The following RFWD3 variants were observed in gnomAD, a reference collection of about 807,000 sequenced individuals.
RFWD3 encodes ring finger and WD repeat domain 3.
A neutral mutation model predicts 87.7 loss-of-function variants in RFWD3; 65 were observed. The ratio of observed to expected loss-of-function variants is 0.74; its 90% CI spans 0.61 to 0.91. The LOEUF (loss-of-function observed/expected upper bound fraction) is 0.91. RFWD3 is among the 40% of genes least tolerant of loss of function. The pLI is 0.00. For missense variants in RFWD3, 1,078 were observed against 938.5 expected, an observed-to-expected ratio of 1.15 and a Z score of -1.94; for synonymous variants, 433 against 352.8, an observed-to-expected ratio of 1.23 and a Z score of -2.55.
At chr16:74,634,575 G>A (rs9929496) in intron 8 of RFWD3, among the ~76,000 whole-genome samples, 89,221 of 151,754 alleles carry the variant, frequency 0.59, 27,450 homozygotes, top group African/African-American at 0.77. Flanking sequence ...TTTTTATAGC[G>A]ATGGAGTCTC....
intron 12 of RFWD3, among the ~76,000 whole-genome samples, chr16:74,624,524 T>C (rs1958864461): frequency 6.6e-6 from 1 of 152,144 alleles, no homozygotes; most frequent in Non-Finnish European, 1.5e-5. Flanking sequence ...GCCTCCCAAG[T>C]AGCTGGGATT....
intron 8 of RFWD3, 31 bp downstream of exon 8, chr16:74,636,315 A>C: frequency 6.3e-7 from 1 of 1,578,854 alleles, no homozygotes. Context: ...TCTAATAAAG[A>C]ACATGAAAGC....
intron 8 of RFWD3, among the ~76,000 whole-genome samples, chr16:74,634,843 C>G (rs781403227): frequency 5.3e-5 from 8 of 151,812 alleles, no homozygotes; most frequent in Non-Finnish European, 7.4e-5. Context: ...CAGGTATAGG[C>G]TTTAAATCAA....
rs896324983 is a variant in RFWD3, at chr16:74,642,885, G to A, written c.1079+1477C>T. ...GCTGTTCGTTTTATTAGTCTGTATC[G>A]GCATTTTGAAACTCTTCACTTTTTC... On this transcript the variant is annotated intron_variant, in intron 6 of 12. Coordinates refer to ENST00000361070, the MANE Select transcript of RFWD3 (RefSeq NM_018124.4). Among the ~76,000 whole-genome samples the A allele has an allele frequency of 3.9e-5, 6 of 152,074 alleles. No individual in the cohort carries two copies. The South Asian group carries it at 1.0e-3, about 26-fold the overall frequency.
At chr16:74,626,715 G>C (rs1379603942) in intron 11 of RFWD3, among the ~76,000 whole-genome samples, 161 bp from the exon 12 acceptor site, 1 of 152,090 alleles carries the variant, frequency 6.6e-6, no homozygotes, top group South Asian at 2.1e-4. Flanking sequence ...CAATATCACA[G>C]CATCAATGAA....
chr16:74,655,999 A>G (rs974955726), intron 2 of RFWD3, among the ~76,000 whole-genome samples: 5 of 152,218 alleles, frequency 3.3e-5, no homozygotes, highest in Admixed American at 1.3e-4. Context: ...TCTGAAGGTG[A>G]TTAATGTTAT....
intron 8 of RFWD3, among the ~76,000 whole-genome samples, chr16:74,634,500 T>C (rs2144099266): frequency 6.6e-6 from 1 of 152,072 alleles, no homozygotes; most frequent in East Asian, 1.9e-4. Flanking sequence ...TCCTCCCAAC[T>C]CAGCCTCCCA....
intron 3 of RFWD3, among the ~76,000 whole-genome samples, chr16:74,650,380 G>C (rs549135947): frequency 6.6e-6 from 1 of 151,098 alleles, no homozygotes; most frequent in East Asian, 1.9e-4. Context: ...CAATGGGGGT[G>C]GGGGGCTGGT....
intron 6 of RFWD3, among the ~76,000 whole-genome samples, chr16:74,638,498 A>G (rs1270888460): frequency 6.6e-6 from 1 of 152,252 alleles, no homozygotes; most frequent in Non-Finnish European, 1.5e-5. Context: ...AAGAATAACA[A>G]ATATATATTT....
chr16:74,628,426 C>T, intron 11 of RFWD3, 26 bp downstream of exon 11: 4 of 1,602,566 alleles, frequency 2.5e-6, no homozygotes, highest in East Asian at 2.2e-5. Context: ...CCCAAATAAG[C>T]TATGGGAGAC....
intron 8 of RFWD3, among the ~76,000 whole-genome samples, chr16:74,633,184 G>T (rs1178619468): frequency 6.6e-6 from 1 of 151,730 alleles, no homozygotes; most frequent in African/African-American, 2.4e-5. Context: ...GGCTGAGGCA[G>T]GAGAATCGCT....
Position 74,644,079 on chromosome 16 carries a change from G to A in RFWD3, c.1079+283C>T, listed in dbSNP as rs550193544. 1.3e-4 allele frequency: 63 copies of A among 469,432 alleles called. 1 individual carries two copies. The highest frequency in any genetic ancestry group is 6.7e-4 in the South Asian group (27 of 40,102). The allele number at this position is 469,432 out of a possible 1,614,324, so 29.1% of individuals were successfully genotyped here. ...TTTCTGTATGGAGAACTGCTGTGGC[G>A]GGGGGTGGTCAGGGATATGAGAAGC... On this transcript the variant is annotated intron_variant, in intron 6 of 12. Transcript: ENST00000361070.
At chr16:74,650,613 T>TG (rs1273248370) in intron 3 of RFWD3, among the ~76,000 whole-genome samples, 14 of 152,020 alleles carry the variant, frequency 9.2e-5, no homozygotes, top group African/African-American at 1.4e-4. Flanking sequence ...ATAATTTAAT[T>TG]GGGGGTCACA....
intron 3 of RFWD3, 60 bp from the exon 4 acceptor site, chr16:74,649,262 T>C: frequency 8.1e-7 from 1 of 1,236,780 alleles, no homozygotes; most frequent in Non-Finnish European, 1.1e-6. Context: ...ATATGTCAGG[T>C]ATGAGAAGCT....
At chr16:74,647,085 CAAA>C (rs1216676149) in intron 4 of RFWD3, among the ~76,000 whole-genome samples, 1 of 124,912 alleles carries the variant, frequency 8.0e-6, no homozygotes. Context: ...ACACTCGTCT[CAAA>C]AAAAAAAAAA....
chr16:74,661,860 T>C (rs1961466994), intron 1 of RFWD3, among the ~76,000 whole-genome samples: 1 of 152,204 alleles, frequency 6.6e-6, no homozygotes. Context: ...GCAATATTAA[T>C]CTTTCACAGC....
rs1196031762 is a variant in RFWD3, at chr16:74,630,813, A to C, written c.1722T>G (p.Ser574Arg). 1.4e-5 allele frequency: 23 copies of C among 1,612,394 alleles called. No individual in the cohort carries two copies. Among genetic ancestry groups the C allele is most frequent in the Non-Finnish European group, 1.8e-5 (21 of 1,179,368 alleles). Residue 574 changes from serine (S) to arginine (R), a missense_variant, in exon 10 of 13, where the codon AGT becomes AGG. Physicochemically the swap from Ser to Arg is moderately radical, Grantham distance 110 (BLOSUM62 -1). Coordinates refer to ENST00000361070, the MANE Select transcript of RFWD3 (RefSeq NM_018124.4). ...ILVYDVRNTS[S>R]HVQELVAQKA... ...TCTGAGCTACTAACTCCTGCACATG[A>C]CTGCTCGTGTTTCGCACGTCATATA...
Position 74,644,655 on chromosome 16 carries a change from C to G in RFWD3, c.873G>C (p.Leu291=). 1 of 1,614,228 alleles carries G rather than the reference C, an allele frequency of 6.2e-7. No individual in the cohort carries two copies. The highest frequency in any genetic ancestry group is 8.5e-7 in the Non-Finnish European group (1 of 1,180,040). Residue 291 remains leucine, a synonymous_variant, in exon 5 of 13, where the codon CTG becomes CTC. Transcript: ENST00000361070. ...GGTCCCCAGCATTGGTCCACTGTTCCAGACATATTGTACAAGTGTCCCCTT... is the reference window on the plus strand; with the variant it reads ...GGTCCCCAGCATTGGTCCACTGTTCGAGACATATTGTACAAGTGTCCCCTT... ...EEEGDTCTIC[L]EQWTNAGDHR...
intron 3 of RFWD3, among the ~76,000 whole-genome samples, chr16:74,650,710 C>T (rs1455075510): frequency 3.3e-5 from 5 of 152,122 alleles, no homozygotes; most frequent in Non-Finnish European, 7.4e-5. Context: ...CATAGGGAGA[C>T]CCCACAGCTA....
Sources: allele counts gnomAD v4.1 joint callset (sites outside exome capture counted in the v4.1 genomes callset), GRCh38; gene constraint gnomAD v4.1.1; transcripts MANE v1.5; gene names NCBI Gene and HGNC (gene_info 2026-07-23, HGNC 2026-07-21).